WDR35: variants seen among roughly 807,000 people sequenced by gnomAD.
The protein encoded by WDR35 is WD repeat-containing protein 35.
In WDR35, 118 loss-of-function variants were observed where a neutral mutation model predicts 158.3. That is an observed-to-expected ratio of 0.75 (90% CI 0.64 to 0.87). The LOEUF (loss-of-function observed/expected upper bound fraction) is 0.87. WDR35 is among the 40% of genes least tolerant of loss of function. The pLI, the probability that WDR35 is intolerant of heterozygous loss-of-function variation, is 0.00. For missense variants in WDR35, 1,263 were observed against 1,405.8 expected (o/e 0.90, Z 1.62); for synonymous variants, 448 against 476.1 (o/e 0.94, Z 0.77).
chr2:19,985,889 C>T (rs1452685926), intron 2 of WDR35, among the ~76,000 whole-genome samples: 2 of 134,574 alleles, frequency 1.5e-5, no homozygotes, highest in African/African-American at 5.8e-5. Flanking sequence ...AGAGTGAGAC[C>T]CCATCTCGGG....
intron 20 of WDR35, 94 bp from the exon 21 acceptor site, chr2:19,935,697 C>T: frequency 7.1e-7 from 1 of 1,409,206 alleles, no homozygotes; most frequent in African/African-American, 1.4e-5. Flanking sequence ...TCATAATTCC[C>T]AGTACTAGTA....
At chr2:19,965,655 T>C (rs1671825967) in intron 10 of WDR35, among the ~76,000 whole-genome samples, 1 of 152,200 alleles carries the variant, frequency 6.6e-6, no homozygotes, top group Admixed American at 6.5e-5. Flanking sequence ...CACCCTCAGC[T>C]CTGCTTGATG....
At chr2:19,917,518 A>G (rs558171973) in intron 25 of WDR35, among the ~76,000 whole-genome samples, 1 of 152,374 alleles carries the variant, frequency 6.6e-6, no homozygotes, top group African/African-American at 2.4e-5. Context: ...ACGAATTGCT[A>G]ACTAGAATAA....
intron 2 of WDR35, among the ~76,000 whole-genome samples, chr2:19,988,381 G>C (rs972040663): frequency 1.3e-5 from 2 of 152,102 alleles, no homozygotes; most frequent in Non-Finnish European, 2.9e-5. Context: ...CCCCATCCCG[G>C]GTCTATTGTG....
chr2:19,941,155 C>T (rs891832389), intron 17 of WDR35, among the ~76,000 whole-genome samples: 4 of 151,894 alleles, frequency 2.6e-5, no homozygotes, highest in East Asian at 3.9e-4. Flanking sequence ...AATGCTTTGG[C>T]TAAAATGAAG....
chr2:19,915,464 G>A (rs1259308986), intron 25 of WDR35, among the ~76,000 whole-genome samples: 1 of 150,710 alleles, frequency 6.6e-6, no homozygotes, highest in Non-Finnish European at 1.5e-5. Context: ...GGCATATAGA[G>A]ATCTTCACCT....
intron 12 of WDR35, 91 bp from the exon 13 acceptor site, chr2:19,951,575 A>C: frequency 1.1e-6 from 1 of 937,684 alleles, no homozygotes; most frequent in Non-Finnish European, 1.7e-6. Context: ...AACATCAATT[A>C]ATACTGTTAT....
intron 25 of WDR35, among the ~76,000 whole-genome samples, chr2:19,925,579 T>C (rs188381177): frequency 2.0e-5 from 3 of 152,284 alleles, no homozygotes; most frequent in East Asian, 1.9e-4. Context: ...CAACTTAACA[T>C]AGTTGGAGTT....
At chr2:19,956,914 C>T (rs1325353428) in intron 11 of WDR35, among the ~76,000 whole-genome samples, 5 of 152,096 alleles carry the variant, frequency 3.3e-5, no homozygotes, top group Non-Finnish European at 5.9e-5. Flanking sequence ...CCACCGCGCC[C>T]GGCCAATAAT....
intron 16 of WDR35, 47 bp downstream of exon 16, chr2:19,945,739 T>C: frequency 6.2e-7 from 1 of 1,604,588 alleles, no homozygotes; most frequent in South Asian, 1.1e-5. Context: ...GGTTTTTATA[T>C]TTGGCTCATT....
intron 5 of WDR35, 109 bp from the exon 6 acceptor site, chr2:19,975,772 A>G: frequency 7.1e-7 from 1 of 1,408,198 alleles, no homozygotes; most frequent in Non-Finnish European, 9.9e-7. Context: ...GCATTCATGC[A>G]TTCATTCAAT....
intron 11 of WDR35, among the ~76,000 whole-genome samples, chr2:19,955,517 C>T (rs575002399): frequency 3.4e-4 from 51 of 152,078 alleles, no homozygotes; most frequent in African/African-American, 1.2e-3. Context: ...ACAATTTGCC[C>T]AAGGTCACAA....
intron 17 of WDR35, among the ~76,000 whole-genome samples, chr2:19,939,759 C>T (rs574422574): frequency 1.3e-5 from 2 of 151,916 alleles, no homozygotes; most frequent in South Asian, 4.1e-4. Context: ...TATAATTCTG[C>T]CATTTGTTTA....
intron 7 of WDR35, among the ~76,000 whole-genome samples, 193 bp downstream of exon 7, chr2:19,974,275 T>A (rs1672129524): frequency 6.6e-6 from 1 of 151,544 alleles, no homozygotes; most frequent in African/African-American, 2.4e-5. Context: ...CCAGGCATAG[T>A]GGCACGCCCT....
chr2:19,919,380 C>CAAAAAAAAAAAAAAAAAAAAACA, intron 25 of WDR35, among the ~76,000 whole-genome samples: 1 of 48,244 alleles, frequency 2.1e-5, no homozygotes, highest in African/African-American at 6.6e-5. Flanking sequence ...GGCTCCATCT[C>CAAAAAAAAAAAAAAAAAAAAACA]AAAAAAAAAA....
At chr2:19,936,172 A>G in intron 20 of WDR35, 47 bp downstream of exon 20, 2 of 1,612,828 alleles carry the variant, frequency 1.2e-6, no homozygotes, top group Non-Finnish European at 1.7e-6. Flanking sequence ...TCAGGCAGCT[A>G]CTAAGTGTTG....
At chr2:19,980,555 T>C (rs1672351768) in intron 4 of WDR35, 136 bp downstream of exon 4, 2 of 703,992 alleles carry the variant, frequency 2.8e-6, no homozygotes, top group Admixed American at 5.6e-5. Context: ...CCAGAAATAT[T>C]ATCACTGTGC....
intron 4 of WDR35, among the ~76,000 whole-genome samples, chr2:19,979,772 T>C (rs1261572386): frequency 2.1e-5 from 3 of 146,184 alleles, no homozygotes; most frequent in African/African-American, 2.5e-5. Flanking sequence ...TTCTATCCCC[T>C]ACACACACAC....
Position 19,913,238 on chromosome 2 carries a change from C to T in WDR35, c.*320G>A, listed in dbSNP as rs1669888006. On this transcript the variant is annotated 3_prime_UTR_variant, in exon 27 of 27. Coordinates refer to ENST00000281405, the MANE Select transcript of WDR35 (RefSeq NM_020779.4). ...CAAGATTTTTTAATGAATTCAGTTA[C>T]CTTGACACTGTGAGAAAAAAATTTA... 8.1e-6 allele frequency: 2 copies of T among 245,634 alleles called. No individual in the cohort carries two copies. The highest frequency in any genetic ancestry group is 5.0e-5 in the Admixed American group (1 of 19,848). The allele number at this position is 245,634 out of a possible 1,614,324, so 15.2% of individuals were successfully genotyped here.
Sources: allele counts gnomAD v4.1 joint callset (sites outside exome capture counted in the v4.1 genomes callset), GRCh38; gene constraint gnomAD v4.1.1; transcripts MANE v1.5; gene names NCBI Gene and HGNC (gene_info 2026-07-23, HGNC 2026-07-21).